Variants in BICRAL observed in about 807,000 individuals in gnomAD.
The protein encoded by BICRAL is BRD4-interacting chromatin-remodeling complex-associated protein-like.
BICRAL carries 8 observed loss-of-function variants against 91.8 expected under a neutral mutation model. That is an observed-to-expected ratio of 0.09 (90% CI 0.05 to 0.16). The LOEUF (loss-of-function observed/expected upper bound fraction) is 0.16, where lower values mean the gene tolerates loss of function less well. BICRAL is among the 10% of genes least tolerant of loss of function. The pLI is 1.00. For missense variants in BICRAL, 1,038 were observed against 1,310.9 expected (o/e 0.79, Z 3.21); for synonymous variants, 445 against 491.1 (o/e 0.91, Z 1.24).
intron 6 of BICRAL, among the ~76,000 whole-genome samples, chr6:42,846,012 A>C (rs1193645970): frequency 4.8e-4 from 70 of 145,896 alleles, no homozygotes; most frequent in African/African-American, 1.7e-3. Context: ...CGGAGCTTGC[A>C]GTGAGCCGAG....
intron 1 of BICRAL, among the ~76,000 whole-genome samples, chr6:42,796,009 A>G (rs973375253): frequency 1.2e-4 from 18 of 152,192 alleles, no homozygotes; most frequent in African/African-American, 4.3e-4. Context: ...AGCAAGAGCA[A>G]AGGAGAGAGA....
chr6:42,749,618 T>C (rs1038600579), intron 1 of BICRAL, among the ~76,000 whole-genome samples: 2 of 152,194 alleles, frequency 1.3e-5, no homozygotes, highest in African/African-American at 4.8e-5. Flanking sequence ...CTACATATTA[T>C]ATGCATGTAT....
At chr6:42,769,652 A>AT in intron 1 of BICRAL, among the ~76,000 whole-genome samples, 1 of 152,172 alleles carries the variant, frequency 6.6e-6, no homozygotes, top group East Asian at 1.9e-4. Flanking sequence ...CAAACACAAT[A>AT]CCATGTGTGC....
chr6:42,832,608 T>TGTGTGTGTG, intron 6 of BICRAL, among the ~76,000 whole-genome samples: 1 of 150,232 alleles, frequency 6.7e-6, no homozygotes, highest in African/African-American at 2.5e-5. Flanking sequence ...TGTGTGTGTG[T>TGTGTGTGTG]TTGAAATAAC....
At chr6:42,772,886 C>T (rs764868827) in intron 1 of BICRAL, among the ~76,000 whole-genome samples, 1 of 152,096 alleles carries the variant, frequency 6.6e-6, no homozygotes, top group Non-Finnish European at 1.5e-5. Context: ...AAAGCTTCAC[C>T]TCCGCCCTGT....
intron 1 of BICRAL, among the ~76,000 whole-genome samples, chr6:42,808,913 T>G (rs904784482): frequency 3.9e-5 from 6 of 152,132 alleles, no homozygotes; most frequent in South Asian, 2.1e-4. Flanking sequence ...AAATTCAGTG[T>G]CCTTGCCCTG....
chr6:42,750,574 T>C (rs147618594), intron 1 of BICRAL, among the ~76,000 whole-genome samples: 1 of 152,274 alleles, frequency 6.6e-6, no homozygotes, highest in Non-Finnish European at 1.5e-5. Context: ...TATCCCATAA[T>C]ATACGTTTGC....
chr6:42,815,185 CTTTTTTT>C lies in BICRAL; in HGVS notation c.-6+4800_-6+4806del, dbSNP rs869106375. Among the ~76,000 whole-genome samples, 8 of 101,156 alleles carry C rather than the reference CTTTTTTT, an allele frequency of 7.9e-5. No homozygotes were observed. In the South Asian group the frequency reaches 2.8e-3, roughly 35 times the overall value. 66.4% of individuals were successfully genotyped at this position (101,156 alleles called of 152,430 possible). A position where few individuals can be genotyped will look rare whatever the true frequency, so the allele number is the denominator to read the frequency against. ...CTTCCATTGCTACTGGTCAGAATAT[CTTTTTTT>C]TTTTTTTTTTTTTTTGAGATGGAGT... On this transcript the variant is annotated intron_variant, in intron 2 of 12. Coordinates refer to ENST00000314073, the MANE Select transcript of BICRAL (RefSeq NM_001393499.1).
chr6:42,860,656 A>G (rs1484351615), intron 11 of BICRAL, among the ~76,000 whole-genome samples: 5 of 152,226 alleles, frequency 3.3e-5, no homozygotes, highest in African/African-American at 1.2e-4. Context: ...GAGCTCGGAT[A>G]CGAGCCAGGA....
At chr6:42,802,788 C>T (rs1250800952) in intron 1 of BICRAL, among the ~76,000 whole-genome samples, 1 of 151,816 alleles carries the variant, frequency 6.6e-6, no homozygotes, top group Non-Finnish European at 1.5e-5. Context: ...ACTATGTTGC[C>T]CAGACTGGTC....
At chr6:42,759,416 T>C (rs956121978) in intron 1 of BICRAL, among the ~76,000 whole-genome samples, 13 of 152,158 alleles carry the variant, frequency 8.5e-5, no homozygotes, top group African/African-American at 3.1e-4. Flanking sequence ...GATGTTAGTT[T>C]GGAGGCCATT....
rs1489659880 is a variant in BICRAL, at chr6:42,857,164, G to A, written c.2182G>A (p.Asp728Asn). 4.3e-6 allele frequency: 7 copies of A among 1,613,430 alleles called. No homozygotes were observed. The South Asian group carries it at 6.6e-5, about 15-fold the overall frequency. ...PDKSHFRSLSDAVQRLLSYHV... is the reference protein window; with the variant it reads ...PDKSHFRSLSNAVQRLLSYHV... Reference sequence around the variant, plus strand: ...CAAAAGTCACTTCCGATCACTAAGTGATGCGGTACAGAGACTGCTCTCCTA... The same window carrying A: ...CAAAAGTCACTTCCGATCACTAAGTAATGCGGTACAGAGACTGCTCTCCTA... Residue 728 changes from aspartate to asparagine, a missense_variant, in exon 10 of 13, where the codon GAT becomes AAT. Around this residue, in one of 5 missense-constraint regions of BICRAL, gnomAD observed 294 missense variants for 292.6 expected, o/e 1.00. Coordinates refer to ENST00000314073, the MANE Select transcript of BICRAL (RefSeq NM_001393499.1).
At chr6:42,826,122 G>T (rs563470743) in intron 5 of BICRAL, among the ~76,000 whole-genome samples, 2 of 137,992 alleles carry the variant, frequency 1.4e-5, no homozygotes, top group Non-Finnish European at 3.4e-5. Flanking sequence ...TTTTAGAGAT[G>T]AGGAAACTAA....
intron 1 of BICRAL, among the ~76,000 whole-genome samples, chr6:42,771,668 T>C (rs1762737964): frequency 6.6e-6 from 1 of 152,190 alleles, no homozygotes; most frequent in Non-Finnish European, 1.5e-5. Context: ...TTTTTGTTTT[T>C]GAGGGAGAGA....
At position 42,852,155 on chromosome 6, in the gene BICRAL, A is replaced by T; in HGVS notation, c.1903A>T (p.Arg635Trp). Reference protein sequence around the residue: ...ISAPKTTDGLRQAQIPGLLST... With the variant: ...ISAPKTTDGLWQAQIPGLLST... Reference sequence around the variant, plus strand: ...TGCTCCCAAGACCACAGACGGCCTGAGGCAAGCACAGATCCCTGGGCTCTT... The same window carrying T: ...TGCTCCCAAGACCACAGACGGCCTGTGGCAAGCACAGATCCCTGGGCTCTT... Residue 635 changes from arginine (R) to tryptophan (W), a missense_variant, in exon 7 of 13, where the codon AGG becomes TGG. Arg to Trp is a moderately radical substitution (Grantham distance 101). This residue lies in a region of BICRAL where 532 missense variants were observed against 724.9 expected (regional missense o/e 0.73). Transcript: ENST00000314073. The T allele has an allele frequency of 6.2e-7, 1 of 1,613,674 alleles. No homozygotes were observed. The highest frequency in any genetic ancestry group is 1.3e-5 in the African/African-American group (1 of 75,040).
intron 6 of BICRAL, among the ~76,000 whole-genome samples, chr6:42,845,918 A>C (rs1764994690): frequency 6.6e-6 from 1 of 151,518 alleles, no homozygotes; most frequent in Non-Finnish European, 1.5e-5. Context: ...AAAAAAAAAA[A>C]AAATTAGCTT....
intron 12 of BICRAL, 118 bp downstream of exon 12, chr6:42,862,730 G>A (rs1581641941): frequency 1.5e-6 from 1 of 685,568 alleles, no homozygotes; most frequent in East Asian, 2.7e-5. Context: ...CGTGAATTCT[G>A]GGGAGAGCTG....
At chr6:42,828,465 C>A in intron 5 of BICRAL, 28 bp from the exon 6 acceptor site, 1 of 1,552,074 alleles carries the variant, frequency 6.4e-7, no homozygotes, top group Non-Finnish European at 8.7e-7. Flanking sequence ...GTTACATATG[C>A]CATGTAACAT....
At chr6:42,789,617 G>C (rs182382393) in intron 1 of BICRAL, among the ~76,000 whole-genome samples, 47 of 149,296 alleles carry the variant, frequency 3.1e-4, no homozygotes, top group African/African-American at 1.1e-3. Context: ...ACTCCAGCCT[G>C]GGTGACATAG....
Sources: gnomAD v4.1 joint callset for allele counts (sites outside exome capture counted in the v4.1 genomes callset) on GRCh38, gnomAD v4.1.1 for gene constraint, gnomAD v4.1.1 regional missense constraint, MANE v1.5 for transcripts, NCBI Gene and HGNC (gene_info 2026-07-23, HGNC 2026-07-21) for gene names.